The following XYLT1 variants were observed in gnomAD, a reference collection of about 807,000 sequenced individuals.
The protein encoded by XYLT1 is xylosyltransferase 1.
Under a neutral mutation model 91.3 loss-of-function variants are expected in XYLT1, and 36 were observed. The ratio of observed to expected loss-of-function variants is 0.39; its 90% CI spans 0.30 to 0.52. The LOEUF (loss-of-function observed/expected upper bound fraction) is 0.52. XYLT1 is among the 20% of genes least tolerant of loss of function. XYLT1 has a pLI of 0.68. For synonymous variants in XYLT1, 588 were observed against 532.0 expected, an observed-to-expected ratio of 1.11 and a Z score of -1.45; for missense variants, 1,242 against 1,284.5, an observed-to-expected ratio of 0.97 and a Z score of 0.51.
chr16:17,106,749 T>A lies in XYLT1; in HGVS notation c.*1946A>T, dbSNP rs1478200852. The A allele has an allele frequency of 6.6e-6, 1 of 151,666 alleles. No homozygotes were observed. Among genetic ancestry groups the A allele is most frequent in the South Asian group, 2.1e-4 (1 of 4,792 alleles). 9.4% of individuals were successfully genotyped at this position (151,666 alleles called of 1,614,324 possible). A position where few individuals can be genotyped will look rare whatever the true frequency, so the allele number is the denominator to read the frequency against. Reference sequence around the variant, plus strand: ...TGACGGGGGGTGAGTAGGGGGAGGATGGGAGGCTCAGGAATTCCAATACTC... The same window carrying A: ...TGACGGGGGGTGAGTAGGGGGAGGAAGGGAGGCTCAGGAATTCCAATACTC... On this transcript the variant is annotated 3_prime_UTR_variant, in exon 12 of 12. Coordinates refer to ENST00000261381, the MANE Select transcript of XYLT1 (RefSeq NM_022166.4).
chr16:17,344,730 G>A (rs1190715044), intron 2 of XYLT1, among the ~76,000 whole-genome samples: 2 of 151,018 alleles, frequency 1.3e-5, no homozygotes, highest in African/African-American at 2.4e-5. Flanking sequence ...TTTTGAGACA[G>A]GTCTCTGTCA....
At chr16:17,439,459 C>T (rs765373406) in intron 1 of XYLT1, among the ~76,000 whole-genome samples, 21 of 152,068 alleles carry the variant, frequency 1.4e-4, no homozygotes, top group Non-Finnish European at 2.1e-4. Flanking sequence ...TTCCAAAGAC[C>T]GACATAATTT....
chr16:17,317,920 C>T (rs1183181015), intron 2 of XYLT1, among the ~76,000 whole-genome samples: 1 of 152,152 alleles, frequency 6.6e-6, no homozygotes, highest in Non-Finnish European at 1.5e-5. Context: ...TTCCCTGCAT[C>T]CTTGAATATC....
rs573659969 is a variant in XYLT1, at chr16:17,289,586, C to T, written c.403-30088G>A. On this transcript the variant is annotated intron_variant, in intron 2 of 11. Coordinates refer to ENST00000261381, the MANE Select transcript of XYLT1 (RefSeq NM_022166.4). ...TGTTAGGATGATATCTTTCTGGATT[C>T]CCTAGGTATGGGAATTTAAAAAGTT... Among the ~76,000 whole-genome samples the T allele has an allele frequency of 3.3e-5, 5 of 152,260 alleles. No individual in the cohort carries two copies. In the East Asian group the frequency reaches 9.6e-4, roughly 29 times the overall value.
intron 2 of XYLT1, among the ~76,000 whole-genome samples, chr16:17,287,076 G>A (rs1198640687): frequency 6.6e-6 from 1 of 152,102 alleles, no homozygotes; most frequent in Non-Finnish European, 1.5e-5. Flanking sequence ...CCAGAGTGTA[G>A]GTGAATTTTG....
intron 1 of XYLT1, among the ~76,000 whole-genome samples, chr16:17,458,887 G>A (rs1424402792): frequency 1.3e-5 from 2 of 151,978 alleles, no homozygotes; most frequent in Non-Finnish European, 2.9e-5. Context: ...AATATACAGC[G>A]ATTAATAATT....
At chr16:17,135,666 C>CTTAGCTGAG (rs2030690412) in intron 8 of XYLT1, among the ~76,000 whole-genome samples, 1 of 151,984 alleles carries the variant, frequency 6.6e-6, no homozygotes, top group Admixed American at 6.6e-5. Context: ...TGGTAAGGGA[C>CTTAGCTGAG]TTAGCTGAGA....
chr16:17,127,478 CCT>C (rs1434611100), intron 10 of XYLT1, among the ~76,000 whole-genome samples, 186 bp downstream of exon 10: 2 of 152,170 alleles, frequency 1.3e-5, no homozygotes, highest in African/African-American at 2.4e-5. Flanking sequence ...TTGATCCTCC[CCT>C]GTTTAAGATG....
chr16:17,381,392 G>GA (rs932204353), intron 1 of XYLT1, among the ~76,000 whole-genome samples: 214 of 136,360 alleles, frequency 1.6e-3, no homozygotes, highest in Non-Finnish European at 2.7e-3. Context: ...AAACAAAAAA[G>GA]AAAAAAAAGA....
At chr16:17,330,002 G>C (rs978657462) in intron 2 of XYLT1, among the ~76,000 whole-genome samples, 8 of 152,096 alleles carry the variant, frequency 5.3e-5, no homozygotes, top group African/African-American at 1.9e-4. Context: ...CAATGTGATG[G>C]TGAGGGTTAA....
chr16:17,269,695 T>C (rs965225087), intron 2 of XYLT1, among the ~76,000 whole-genome samples: 1 of 152,158 alleles, frequency 6.6e-6, no homozygotes, highest in Non-Finnish European at 1.5e-5. Flanking sequence ...GAGTCACACA[T>C]AGACCAACCC....
At chr16:17,406,753 T>C (rs1158456366) in intron 1 of XYLT1, among the ~76,000 whole-genome samples, 2 of 152,130 alleles carry the variant, frequency 1.3e-5, no homozygotes, top group African/African-American at 2.4e-5. Context: ...AGGAAGATGC[T>C]GAACAGCTAA....
At chr16:17,239,427 CCATCCATCTACTCATCCAGTCCATT>C (rs1357206293) in intron 3 of XYLT1, among the ~76,000 whole-genome samples, 3 of 150,646 alleles carry the variant, frequency 2.0e-5, no homozygotes, top group Non-Finnish European at 3.0e-5. Context: ...CATGATCCAT[CCATCCATCTACTCATCCAGTCCATT>C]CATCCATCCA....
intron 2 of XYLT1, among the ~76,000 whole-genome samples, chr16:17,299,905 T>C (rs888674911): frequency 1.3e-5 from 2 of 152,158 alleles, no homozygotes; most frequent in African/African-American, 4.8e-5. Context: ...TTAACGACCC[T>C]TTTTCAAAGC....
In XYLT1 at chr16:17,118,879, C is replaced by A. The variant is rs1264267713; in HGVS notation, c.2224-900G>T. On this transcript the variant is annotated intron_variant, in intron 10 of 11. Coordinates refer to ENST00000261381, the MANE Select transcript of XYLT1 (RefSeq NM_022166.4). ...CAGGCTCATTCCCAGCTCAGCTTTC[C>A]TGCACCATCTGCCCTGTGTGGAATA... Among the ~76,000 whole-genome samples the A allele has an allele frequency of 2.0e-5, 3 of 152,242 alleles. No individual in the cohort carries two copies. The East Asian group carries it at 5.8e-4, about 29-fold the overall frequency.
intron 2 of XYLT1, among the ~76,000 whole-genome samples, chr16:17,313,852 C>T (rs2034587862): frequency 1.3e-5 from 2 of 152,094 alleles, no homozygotes; most frequent in Admixed American, 1.3e-4. Context: ...AAGGATCCAG[C>T]CCAAACTATG....
rs1966855402 is a variant in XYLT1, at chr16:17,117,695, T to A, written c.2508A>T (p.Lys836Asn). ...LHHWVPVAET[K>N]FLVAPLTFSN... The stretch of plus-strand genomic sequence containing the variant: ...AGAAGGTCAGAGGCGCAACGAGGAA[T>A]TTGGTCTCTGCAACTGGCACCCAGT... Residue 836 changes from lysine (K) to asparagine (N), a missense_variant, in exon 11 of 12, where the codon AAA becomes AAT. Physicochemically the swap from Lys to Asn is moderately conservative, Grantham distance 94. Coordinates refer to ENST00000261381, the MANE Select transcript of XYLT1 (RefSeq NM_022166.4). The A allele has an allele frequency of 6.2e-7, 1 of 1,614,098 alleles. No homozygotes were observed. Among genetic ancestry groups the A allele is most frequent in the African/African-American group, 1.3e-5 (1 of 75,036 alleles).
rs1440158180 is a variant in XYLT1, at chr16:17,470,523, C to T, written c.274G>A (p.Gly92Arg). Residue 92 changes from glycine (G) to arginine (R), a missense_variant, in exon 1 of 12, where the codon GGG becomes AGG. Gly to Arg is a moderately radical substitution (Grantham distance 125, BLOSUM62 -2). Transcript: ENST00000261381. Reference sequence around the variant, plus strand: ...CCTCCCCGCGCCCGCGCCTGGGGCCCCCGTCCTCCTCCTCCTCCGCCGCCG... The same window carrying T: ...CCTCCCCGCGCCCGCGCCTGGGGCCTCCGTCCTCCTCCTCCTCCGCCGCCG... ...GGGGGGGGGR[G>R]PQARARGGGP... 2 of 1,227,750 alleles carry T rather than the reference C, an allele frequency of 1.6e-6. No homozygotes were observed. The highest frequency in any genetic ancestry group is 3.2e-5 in the East Asian group (1 of 31,334). The allele number at this position is 1,227,750 out of a possible 1,614,324, so 76.1% of individuals were successfully genotyped here.
chr16:17,429,719 A>T (rs1489497346), intron 1 of XYLT1, among the ~76,000 whole-genome samples: 6 of 152,094 alleles, frequency 3.9e-5, no homozygotes, highest in African/African-American at 1.4e-4. Flanking sequence ...AGGGAGAGAA[A>T]GAAATTTATT....
Sources: gnomAD v4.1 joint callset for allele counts (sites outside exome capture counted in the v4.1 genomes callset) on GRCh38, gnomAD v4.1.1 for gene constraint, MANE v1.5 for transcripts, NCBI Gene and HGNC (gene_info 2026-07-23, HGNC 2026-07-21) for gene names.